ADARB1: variants seen among roughly 807,000 people sequenced by gnomAD.
ADARB1 encodes the protein double-stranded RNA-specific editase 1.
Under a neutral mutation model 52.4 loss-of-function variants are expected in ADARB1, and 10 were observed. The ratio of observed to expected loss-of-function variants is 0.19; its 90% CI spans 0.12 to 0.32. The LOEUF is 0.32. Ranked by LOEUF, ADARB1 falls within the 10% of genes least tolerant of loss-of-function variation. The probability of loss-of-function intolerance (pLI) is 1.00; values close to 1 mark genes in which losing one functional copy is unlikely to be tolerated. For missense variants in ADARB1, 643 were observed against 922.3 expected (o/e 0.70, Z 3.92); for synonymous variants, 349 against 371.1 (o/e 0.94, Z 0.68).
intron 8 of ADARB1, among the ~76,000 whole-genome samples, chr21:45,185,401 A>G (rs1035605380): frequency 6.6e-6 from 1 of 152,242 alleles, no homozygotes; most frequent in East Asian, 1.9e-4. Context: ...ACAGGCCATG[A>G]CATCTTAAAA....
intron 4 of ADARB1, among the ~76,000 whole-genome samples, chr21:45,179,112 G>A (rs946244557): frequency 6.6e-6 from 1 of 151,874 alleles, no homozygotes; most frequent in African/African-American, 2.4e-5. Flanking sequence ...GGAATGCGTC[G>A]CCCCTTCCCT....
chr21:45,136,423 A>G (rs185600224), intron 2 of ADARB1, among the ~76,000 whole-genome samples: 1 of 152,338 alleles, frequency 6.6e-6, no homozygotes, highest in Admixed American at 6.5e-5. Flanking sequence ...AGGGAAAATA[A>G]CGTCAAGTGG....
intron 2 of ADARB1, among the ~76,000 whole-genome samples, chr21:45,162,567 C>G (rs1349945058): frequency 6.6e-6 from 1 of 152,202 alleles, no homozygotes; most frequent in Non-Finnish European, 1.5e-5. Flanking sequence ...AAATGATACC[C>G]TGAGGATCCT....
At chr21:45,180,108 A>C (rs1306642414) in intron 4 of ADARB1, among the ~76,000 whole-genome samples, 1 of 152,244 alleles carries the variant, frequency 6.6e-6, no homozygotes, top group Non-Finnish European at 1.5e-5. Flanking sequence ...CGGGTGGCGA[A>C]GGACTCAGCC....
In ADARB1 at chr21:45,074,713, A is replaced by G. The variant is rs1199861421; in HGVS notation, c.-300A>G. On this transcript the variant is annotated 5_prime_UTR_variant, in exon 1 of 11. Transcript: ENST00000348831. ...CGCCGCTGCGCACAACCAACGAGGC[A>G]GAGCGCCGCCCGGCGCGAGACTGCG... 6.9e-6 allele frequency: 1 copy of G among 145,750 alleles called. No homozygotes were observed. Among genetic ancestry groups the G allele is most frequent in the Non-Finnish European group, 1.5e-5 (1 of 65,500 alleles). 9.0% of individuals were successfully genotyped at this position (145,750 alleles called of 1,614,324 possible). A position where few individuals can be genotyped will look rare whatever the true frequency, so the allele number is the denominator to read the frequency against.
intron 1 of ADARB1, among the ~76,000 whole-genome samples, chr21:45,102,113 A>T (rs2087045796): frequency 6.6e-6 from 1 of 152,058 alleles, no homozygotes. Flanking sequence ...GCTAGACTTG[A>T]ACTCCTGGCG....
At chr21:45,096,700 AGGGAACCTCTG>A (rs1569003229) in intron 1 of ADARB1, among the ~76,000 whole-genome samples, 1 of 152,224 alleles carries the variant, frequency 6.6e-6, no homozygotes, top group Non-Finnish European at 1.5e-5. Context: ...CTGAGAGATG[AGGGAACCTCTG>A]GGGAAGCCAG....
chr21:45,144,375 T>C (rs1472619811), intron 2 of ADARB1, among the ~76,000 whole-genome samples: 9 of 152,224 alleles, frequency 5.9e-5, no homozygotes, highest in Non-Finnish European at 1.3e-4. Flanking sequence ...AAATGGTGTA[T>C]GGCTATTTGT....
rs1471380196 is a variant in ADARB1 at position 45,202,503 on chromosome 21, A to G, written c.1566-2052A>G. On this transcript the variant is annotated intron_variant, in intron 8 of 10. Coordinates refer to ENST00000348831, the MANE Select transcript of ADARB1 (RefSeq NM_001112.4). Reference sequence around the variant, plus strand: ...CTGAGACTTCAGGCCTCCAAATACAACTGTGGGCATTGTCAGGCAGAGGCT... The same window carrying G: ...CTGAGACTTCAGGCCTCCAAATACAGCTGTGGGCATTGTCAGGCAGAGGCT... 2.0e-5 allele frequency among the ~76,000 whole-genome samples: 3 copies of G among 152,064 alleles called. No individual in the cohort carries two copies. In the East Asian group the frequency reaches 5.8e-4, roughly 29 times the overall value.
intron 9 of ADARB1, among the ~76,000 whole-genome samples, chr21:45,215,767 A>G (rs1359145350): frequency 6.6e-6 from 1 of 152,164 alleles, no homozygotes; most frequent in African/African-American, 2.4e-5. Context: ...TTTCATTTAG[A>G]ATTTTTGTAT....
chr21:45,183,649 A>T, intron 7 of ADARB1, 139 bp downstream of exon 7: 1 of 1,010,942 alleles, frequency 9.9e-7, no homozygotes, highest in Middle Eastern at 2.5e-4. Context: ...GTCTCTATAA[A>T]AGCATGGATT....
intron 3 of ADARB1, among the ~76,000 whole-genome samples, chr21:45,173,476 A>G (rs1476488859): frequency 6.6e-6 from 1 of 152,164 alleles, no homozygotes; most frequent in African/African-American, 2.4e-5. Context: ...TGGAATCTGT[A>G]TCACAGAAAG....
intron 9 of ADARB1, among the ~76,000 whole-genome samples, chr21:45,218,309 C>T (rs962429614): frequency 6.6e-6 from 1 of 152,092 alleles, no homozygotes; most frequent in Non-Finnish European, 1.5e-5. Flanking sequence ...TTTTCTTCTG[C>T]GGTTTCTATT....
At chr21:45,092,658 T>C (rs745617731) in intron 1 of ADARB1, among the ~76,000 whole-genome samples, 4 of 152,182 alleles carry the variant, frequency 2.6e-5, no homozygotes, top group East Asian at 3.9e-4. Flanking sequence ...TTGACTAGAC[T>C]GATACTAATA....
intron 2 of ADARB1, among the ~76,000 whole-genome samples, chr21:45,161,160 G>A (rs77766466): frequency 1.3e-5 from 2 of 152,154 alleles, no homozygotes; most frequent in Non-Finnish European, 1.5e-5. Flanking sequence ...CAGCTGCAGC[G>A]GGGGAGGCTA....
intron 8 of ADARB1, among the ~76,000 whole-genome samples, chr21:45,194,409 C>G (rs1397327061): frequency 6.6e-6 from 1 of 151,944 alleles, no homozygotes; most frequent in East Asian, 1.9e-4. Context: ...TTTCACTGCC[C>G]TAAAAATCCT....
rs1285288236 is a variant in ADARB1, at chr21:45,084,177, C to T, written c.-220+9384C>T. Reference sequence around the variant, plus strand: ...TGAGGGCAGTTGAATTGCTTGTTGCCGAGGTTCTCTCCATTTCTGGAAGAC... The same window carrying T: ...TGAGGGCAGTTGAATTGCTTGTTGCTGAGGTTCTCTCCATTTCTGGAAGAC... On this transcript the variant is annotated intron_variant, in intron 1 of 10. Coordinates refer to ENST00000348831, the MANE Select transcript of ADARB1 (RefSeq NM_001112.4). 2.6e-5 allele frequency among the ~76,000 whole-genome samples: 4 copies of T among 152,168 alleles called. No homozygotes were observed. The South Asian group carries it at 6.2e-4, about 24-fold the overall frequency.
At position 45,128,089 on chromosome 21, in the gene ADARB1, A is replaced by AG. The variant is rs2088704937; in HGVS notation, c.-219-312dup. On this transcript the variant is annotated intron_variant, in intron 1 of 10. Transcript: ENST00000348831. The surrounding 1 kb of genome is among the most constrained non-coding windows in gnomAD (Gnocchi z 4.6). Reference sequence around the variant, plus strand: ...ATTGTAAAAAAGATGAGTACGTGTGAGATTCTGCCTGAGACTCCAGTCCTC... The same window carrying AG: ...ATTGTAAAAAAGATGAGTACGTGTGAGGATTCTGCCTGAGACTCCAGTCCTC... Among the ~76,000 whole-genome samples the AG allele has an allele frequency of 6.6e-6, 1 of 152,154 alleles. No individual in the cohort carries two copies. The highest frequency in any genetic ancestry group is 1.5e-5 in the Non-Finnish European group (1 of 68,038).
Position 45,175,928 on chromosome 21 carries a change from C to G in ADARB1, c.227C>G (p.Pro76Arg). The G allele has an allele frequency of 1.2e-6, 2 of 1,610,098 alleles. No individual in the cohort carries two copies. Among genetic ancestry groups the G allele is most frequent in the Non-Finnish European group, 1.7e-6 (2 of 1,178,118 alleles). Residue 76 changes from proline to arginine, a missense_variant, in exon 4 of 11, where the codon CCC becomes CGC. Transcript: ENST00000348831. ...RLKKRRKTPGPVLPKNALMQL... is the reference protein window; with the variant it reads ...RLKKRRKTPGRVLPKNALMQL... ...AAGAAAAGGAGGAAAACACCAGGGC[C>G]CGTCCTCCCCAAGAACGCCCTGATG...
Sources: gnomAD v4.1 joint callset for allele counts (sites outside exome capture counted in the v4.1 genomes callset) on GRCh38, gnomAD v4.1.1 for gene constraint, Gnocchi (gnomAD v3.1) non-coding constraint, MANE v1.5 for transcripts, NCBI Gene and HGNC (gene_info 2026-07-23, HGNC 2026-07-21) for gene names.